Variants in TMCO4 observed in about 807,000 individuals in gnomAD.
TMCO4 encodes the protein transmembrane and coiled-coil domains 4.
A neutral mutation model predicts 64.7 loss-of-function variants in TMCO4; 58 were observed. The observed-to-expected ratio is 0.90, with a 90% CI of 0.73 to 1.12. The LOEUF (loss-of-function observed/expected upper bound fraction) is 1.12. TMCO4 is among the 50% of genes most tolerant of loss of function. The pLI is 0.00. For missense variants in TMCO4, 780 were observed against 825.9 expected, an observed-to-expected ratio of 0.94 and a Z score of 0.68; for synonymous variants, 325 against 346.1, an observed-to-expected ratio of 0.94 and a Z score of 0.68.
chr1:19,748,137 A>G (rs2041869358), intron 7 of TMCO4, among the ~76,000 whole-genome samples: 1 of 152,228 alleles, frequency 6.6e-6, no homozygotes, highest in African/African-American at 2.4e-5. Flanking sequence ...GAATTAAGGG[A>G]TAACAGTCAC....
At position 19,732,464 on chromosome 1, in the gene TMCO4, C is replaced by A. The variant is rs1352491557; in HGVS notation, c.1264+4908G>T. 6.6e-6 allele frequency among the ~76,000 whole-genome samples: 1 copy of A among 152,146 alleles called. No individual in the cohort carries two copies. The highest frequency in any genetic ancestry group is 2.4e-5 in the African/African-American group (1 of 41,436). ...TACAGGCATGAGCCACTGGACCTGG[C>A]CTCAGTGTGTTCTTGACCAAAGTCA... On this transcript the variant is annotated intron_variant, in intron 13 of 15. Transcript: ENST00000294543. This position sits in a 1 kb window ranked among gnomAD's most constrained non-coding sequence, Gnocchi z 4.8.
intron 13 of TMCO4, among the ~76,000 whole-genome samples, chr1:19,719,907 C>G (rs1191619606): frequency 6.6e-6 from 1 of 151,924 alleles, no homozygotes; most frequent in Non-Finnish European, 1.5e-5. Flanking sequence ...GCAGTAGAAT[C>G]GTTTGAACCC....
chr1:19,748,848 G>C (rs1396865997), intron 7 of TMCO4, among the ~76,000 whole-genome samples: 1 of 150,822 alleles, frequency 6.6e-6, no homozygotes, highest in Admixed American at 6.6e-5. Flanking sequence ...ATGAATGAAT[G>C]AATGAATGAA....
rs2095113105 is a variant in TMCO4 at position 19,682,881 on chromosome 1, C to T, written c.*159G>A. Reference sequence around the variant, plus strand: ...GGCGTGTTCTCTCCTCCAAATTCCCCTTCCTTCCATTTCCTTTCCCTTTCA... The same window carrying T: ...GGCGTGTTCTCTCCTCCAAATTCCCTTTCCTTCCATTTCCTTTCCCTTTCA... On this transcript the variant is annotated 3_prime_UTR_variant, in exon 16 of 16. Coordinates refer to ENST00000294543, the MANE Select transcript of TMCO4 (RefSeq NM_181719.7). 1.8e-6 allele frequency: 2 copies of T among 1,108,358 alleles called. No individual in the cohort carries two copies. The highest frequency in any genetic ancestry group is 2.6e-6 in the Non-Finnish European group (2 of 764,560). 68.7% of individuals were successfully genotyped at this position (1,108,358 alleles called of 1,614,324 possible).
intron 13 of TMCO4, among the ~76,000 whole-genome samples, chr1:19,709,383 G>T (rs547334367): frequency 1.4e-5 from 2 of 147,604 alleles, no homozygotes; most frequent in South Asian, 2.2e-4. Context: ...GTTTGTCTGA[G>T]AATAAAGCAA....
chr1:19,750,382 TGG>T (rs759231463), intron 7 of TMCO4: 5 of 152,204 alleles, frequency 3.3e-5, no homozygotes, highest in Non-Finnish European at 7.3e-5. Flanking sequence ...TCTGGAAATT[TGG>T]GGAAGAGGTG....
chr1:19,771,456 C>A lies in TMCO4; in HGVS notation c.206G>T (p.Gly69Val), dbSNP rs748580952. The A allele has an allele frequency of 1.2e-6, 2 of 1,613,980 alleles. No individual in the cohort carries two copies. Among genetic ancestry groups the A allele is most frequent in the African/African-American group, 2.7e-5 (2 of 74,922 alleles). Residue 69 changes from glycine (G) to valine (V), a missense_variant, in exon 5 of 16, where the codon GGC becomes GTC. Gly to Val is a moderately radical substitution (Grantham distance 109). Transcript: ENST00000294543. Reference protein sequence around the residue: ...HSSFCTEFMAGLVQWLELSEA... With the variant: ...HSSFCTEFMAVLVQWLELSEA... Reference sequence around the variant, plus strand: ...AGACAACTCCAGCCACTGCACCAGGCCTGCCATGAACTCTGTGCAGAAGGA... The same window carrying A: ...AGACAACTCCAGCCACTGCACCAGGACTGCCATGAACTCTGTGCAGAAGGA...
chr1:19,794,395 T>C (rs1048781947), intron 2 of TMCO4, among the ~76,000 whole-genome samples: 3 of 152,322 alleles, frequency 2.0e-5, no homozygotes, highest in African/African-American at 4.8e-5. Context: ...TTAAGCACAG[T>C]GGGAACTCAG....
At chr1:19,783,840 C>T (rs2101087115) in intron 3 of TMCO4, among the ~76,000 whole-genome samples, 1 of 152,314 alleles carries the variant, frequency 6.6e-6, no homozygotes, top group African/African-American at 2.4e-5. Flanking sequence ...TAAGACCTCG[C>T]CCAAAGTCAC....
rs538812364 is a variant in TMCO4, at chr1:19,761,954, G to A, written c.383-6188C>T. Among the ~76,000 whole-genome samples the A allele has an allele frequency of 2.6e-5, 4 of 152,366 alleles. No individual in the cohort carries two copies. The South Asian group carries it at 8.3e-4, about 32-fold the overall frequency. The stretch of plus-strand genomic sequence containing the variant: ...CTAAGCAGCAGGCATCATGGCAGGA[G>A]CTTGCATTTGTGATTGCTGATCCTC... On this transcript the variant is annotated intron_variant, in intron 6 of 15. Coordinates refer to ENST00000294543, the MANE Select transcript of TMCO4 (RefSeq NM_181719.7).
intron 15 of TMCO4, among the ~76,000 whole-genome samples, chr1:19,692,857 C>T (rs12404870): frequency 0.2 from 29,926 of 151,606 alleles, 3,385 homozygotes; most frequent in African/African-American, 0.32. Flanking sequence ...GGCAGGTGAA[C>T]GAGGTTCTTT....
intron 13 of TMCO4, among the ~76,000 whole-genome samples, chr1:19,705,583 T>C (rs2095298741): frequency 6.6e-6 from 1 of 151,598 alleles, no homozygotes; most frequent in Non-Finnish European, 1.5e-5. Flanking sequence ...CTAATTTGTG[T>C]TGAGCTGCAT....
chr1:19,787,747 T>C (rs2043817803), intron 2 of TMCO4, among the ~76,000 whole-genome samples: 1 of 152,114 alleles, frequency 6.6e-6, no homozygotes, highest in Non-Finnish European at 1.5e-5. Flanking sequence ...CTTAGTGCCA[T>C]TTTCTTTTTC....
Position 19,746,558 on chromosome 1 carries a change from C to T in TMCO4, c.655G>A (p.Ala219Thr). 2 of 1,611,346 alleles carry T rather than the reference C, an allele frequency of 1.2e-6. No individual in the cohort carries two copies. The highest frequency in any genetic ancestry group is 1.7e-6 in the Non-Finnish European group (2 of 1,178,786). Residue 219 changes from alanine (A) to threonine (T), a missense_variant, in exon 9 of 16, where the codon GCA becomes ACA. Transcript: ENST00000294543. ...GLAAPLVAAG[A>T]ATIIGSAGAA... ...CCGGCGCTGCCAATAATCGTCGCTG[C>T]TCCAGCGGCAACAAGGGGTGCAGCT...
rs556848741 is a variant in TMCO4, at chr1:19,688,819, G to A, written c.1501-5375C>T. Among the ~76,000 whole-genome samples the A allele has an allele frequency of 1.8e-3, 272 of 152,346 alleles. 1 individual carries two copies. The Middle Eastern group carries it at 0.027, about 15-fold the overall frequency. On this transcript the variant is annotated intron_variant, in intron 15 of 15. Transcript: ENST00000294543. The stretch of plus-strand genomic sequence containing the variant: ...TGTTGGCTACTGCGGTTATTATCAA[G>A]TATCTACTTTGTGCCAAGCCTTTTG...
intron 15 of TMCO4, among the ~76,000 whole-genome samples, chr1:19,684,590 C>T (rs2095132033): frequency 6.6e-6 from 1 of 152,134 alleles, no homozygotes; most frequent in African/African-American, 2.4e-5. Context: ...GAGGATTTTC[C>T]CTGGAAAAGT....
At chr1:19,797,510 G>A (rs913460505) in intron 2 of TMCO4, among the ~76,000 whole-genome samples, 4 of 152,124 alleles carry the variant, frequency 2.6e-5, no homozygotes, top group African/African-American at 9.7e-5. Context: ...TGGAGGTGTA[G>A]GCCAGGGGAC....
At chr1:19,746,352 C>G in intron 9 of TMCO4, 104 bp downstream of exon 9, 1 of 1,511,926 alleles carries the variant, frequency 6.6e-7, no homozygotes, top group Non-Finnish European at 9.0e-7. Context: ...TCTCCTCTGT[C>G]TCCCAGGGAG....
At chr1:19,764,364 T>C (rs577401048) in intron 6 of TMCO4, among the ~76,000 whole-genome samples, 2 of 152,330 alleles carry the variant, frequency 1.3e-5, no homozygotes, top group East Asian at 1.9e-4. Context: ...CCAAGGGTCA[T>C]TGTGGGGTTT....
Sources: allele counts gnomAD v4.1 joint callset (sites outside exome capture counted in the v4.1 genomes callset), GRCh38; gene constraint gnomAD v4.1.1; non-coding constraint Gnocchi (gnomAD v3.1); transcripts MANE v1.5; gene names NCBI Gene and HGNC (gene_info 2026-07-23, HGNC 2026-07-21).